The following H6PD variants were observed in gnomAD, a reference collection of about 807,000 sequenced individuals.
H6PD encodes hexose-6-phosphate dehydrogenase/glucose 1-dehydrogenase.
H6PD carries 48 observed loss-of-function variants against 61.2 expected under a neutral mutation model. That is an observed-to-expected ratio of 0.78 (90% CI 0.62 to 1.00). H6PD has a LOEUF of 1.00. Ranked by LOEUF, H6PD falls within the 50% of genes least tolerant of loss-of-function variation. The pLI is 0.00. For synonymous variants in H6PD, 480 were observed against 457.9 expected (o/e 1.05, Z -0.62); for missense variants, 1,093 against 1,065.0 (o/e 1.03, Z -0.37).
At chr1:9,256,576 G>A (rs1641525428) in intron 3 of H6PD, among the ~76,000 whole-genome samples, 1 of 152,186 alleles carries the variant, frequency 6.6e-6, no homozygotes, top group Non-Finnish European at 1.5e-5. Context: ...AGGTGCCCAG[G>A]ACTGGCGCCA....
At chr1:9,261,525 C>T (rs1463734921) in intron 3 of H6PD, among the ~76,000 whole-genome samples, 4 of 152,238 alleles carry the variant, frequency 2.6e-5, no homozygotes, top group Non-Finnish European at 5.9e-5. Flanking sequence ...CTCCCACTCC[C>T]CTGCACATTG....
chr1:9,237,003 C>T (rs1323292502), intron 1 of H6PD, among the ~76,000 whole-genome samples: 2 of 152,096 alleles, frequency 1.3e-5, no homozygotes, highest in Admixed American at 6.6e-5. Flanking sequence ...GGCTGGTTAC[C>T]GCAGTTAGTG....
chr1:9,258,108 G>A (rs1641577801), intron 3 of H6PD, among the ~76,000 whole-genome samples: 1 of 152,260 alleles, frequency 6.6e-6, no homozygotes, highest in Non-Finnish European at 1.5e-5. Context: ...GTCTTTGTGA[G>A]TATGGGGAGG....
intron 3 of H6PD, among the ~76,000 whole-genome samples, chr1:9,257,204 T>G (rs1389132735): frequency 6.6e-6 from 1 of 151,770 alleles, no homozygotes; most frequent in Non-Finnish European, 1.5e-5. Context: ...CAGTGGCAGG[T>G]TCACAGCTCA....
chr1:9,267,835 A>G lies in H6PD; in HGVS notation c.*2966A>G, dbSNP rs1244396948. 1.3e-5 allele frequency: 2 copies of G among 152,226 alleles called. No individual in the cohort carries two copies. The highest frequency in any genetic ancestry group is 4.8e-5 in the African/African-American group (2 of 41,444). The allele number at this position is 152,226 out of a possible 1,614,324, so 9.4% of individuals were successfully genotyped here. ...GCAAGAAACGTGCCTTCCATCATAAATCAGTCCATTTGTTTACAACTGTGT... is the reference window on the plus strand; with the variant it reads ...GCAAGAAACGTGCCTTCCATCATAAGTCAGTCCATTTGTTTACAACTGTGT... On this transcript the variant is annotated 3_prime_UTR_variant, in exon 5 of 5. Coordinates refer to ENST00000377403, the MANE Select transcript of H6PD (RefSeq NM_004285.4).
intron 1 of H6PD, among the ~76,000 whole-genome samples, chr1:9,236,754 C>G (rs1274817115): frequency 6.6e-6 from 1 of 151,682 alleles, no homozygotes; most frequent in East Asian, 1.9e-4. Context: ...ACATGCTTCC[C>G]ATCGATTTGT....
chr1:9,261,676 C>T (rs1057181134), intron 3 of H6PD, among the ~76,000 whole-genome samples: 3 of 152,246 alleles, frequency 2.0e-5, no homozygotes, highest in South Asian at 2.1e-4. Context: ...CTGCAGCCCC[C>T]GCCATGGTGC....
In H6PD at chr1:9,245,205, G is replaced by A; in HGVS notation, c.271G>A (p.Ala91Thr). Residue 91 changes from alanine (A) to threonine (T), a missense_variant, in exon 2 of 5, where the codon GCA becomes ACA. Physicochemically the swap from Ala to Thr is moderately conservative, Grantham distance 58. Coordinates refer to ENST00000377403, the MANE Select transcript of H6PD (RefSeq NM_004285.4). The surrounding 1 kb of genome is among the most constrained non-coding windows in gnomAD (Gnocchi z 4.8). ...LESLSCPKDM[A>T]PSHCAEHKDQ... is the part of the protein sequence containing the mutation. ...ATCCCTCTCCTGCCCCAAGGACATG[G>A]CACCCAGTCACTGTGCAGAGCACAA... The A allele has an allele frequency of 1.2e-6, 2 of 1,614,232 alleles. No individual in the cohort carries two copies. The highest frequency in any genetic ancestry group is 1.7e-6 in the Non-Finnish European group (2 of 1,180,052).
chr1:9,235,264 C>T (rs1383980511), intron 1 of H6PD, among the ~76,000 whole-genome samples, 198 bp downstream of exon 1: 1 of 152,084 alleles, frequency 6.6e-6, no homozygotes, highest in Admixed American at 6.5e-5. Context: ...CTGTCCTTTC[C>T]CTGGGCTTCC....
intron 1 of H6PD, chr1:9,240,163 A>G (rs1284954419): frequency 4.9e-6 from 2 of 412,332 alleles, no homozygotes; most frequent in African/African-American, 4.1e-5. Context: ...CCACCTCCCT[A>G]CAGGATGCCC....
At position 9,264,589 on chromosome 1, in the gene H6PD, C is replaced by T. The variant is rs752312322; in HGVS notation, c.2096C>T (p.Thr699Ile). Residue 699 changes from threonine to isoleucine, a missense_variant, in exon 5 of 5, where the codon ACA becomes ATA. Thr to Ile is a moderately conservative substitution (Grantham distance 89). Transcript: ENST00000377403. The part of the protein sequence containing the change: ...VLLGMGADGH[T>I]ASLFPQSPTG... Reference sequence around the variant, plus strand: ...CTGGGCATGGGTGCCGACGGGCACACAGCCTCCCTCTTCCCACAGTCACCC... The same window carrying T: ...CTGGGCATGGGTGCCGACGGGCACATAGCCTCCCTCTTCCCACAGTCACCC... 17 of 1,613,166 alleles carry T rather than the reference C, an allele frequency of 1.1e-5. No individual in the cohort carries two copies. The highest frequency in any genetic ancestry group is 5.0e-5 in the Admixed American group (3 of 59,996).
intron 1 of H6PD, among the ~76,000 whole-genome samples, chr1:9,239,196 G>A (rs1300153679): frequency 1.3e-5 from 2 of 152,050 alleles, no homozygotes; most frequent in African/African-American, 2.4e-5. Context: ...ACAGGCACCC[G>A]CCACCACACC....
intron 1 of H6PD, among the ~76,000 whole-genome samples, chr1:9,244,273 C>T (rs866523669): frequency 1.3e-5 from 2 of 152,102 alleles, no homozygotes; most frequent in Non-Finnish European, 2.9e-5. Flanking sequence ...CTGTAGGTAC[C>T]GCTATTACCC....
In H6PD at chr1:9,257,864, A is replaced by C. The variant is rs138760084; in HGVS notation, c.746-4195A>C. 2.4e-3 allele frequency among the ~76,000 whole-genome samples: 366 copies of C among 152,336 alleles called. 1 individual carries two copies. Among genetic ancestry groups the C allele is most frequent in the African/African-American group, 8.5e-3 (352 of 41,560 alleles). ...GGCTCTCTCTGTAGGTGAGGGTGTG[A>C]GGAGACTTGGGCATTGGAACTCTCC... is the stretch of plus-strand genomic sequence containing the variant. On this transcript the variant is annotated intron_variant, in intron 3 of 4. Transcript: ENST00000377403.
chr1:9,248,699 G>A (rs1237180536), intron 3 of H6PD, among the ~76,000 whole-genome samples: 1 of 148,034 alleles, frequency 6.8e-6, no homozygotes, highest in African/African-American at 2.5e-5. Context: ...AATGTGGGGG[G>A]TGGGCGGGAG....
intron 3 of H6PD, among the ~76,000 whole-genome samples, chr1:9,252,645 A>C (rs1641403336): frequency 6.6e-6 from 1 of 152,278 alleles, no homozygotes; most frequent in Non-Finnish European, 1.5e-5. Context: ...GTATATTTAC[A>C]AAGTTATGCA....
chr1:9,256,435 C>T (rs1394009626), intron 3 of H6PD, among the ~76,000 whole-genome samples: 4 of 152,174 alleles, frequency 2.6e-5, no homozygotes, highest in Non-Finnish European at 5.9e-5. Context: ...TTTCTTGCCC[C>T]CCAACACTGG....
chr1:9,262,238 G>A lies in H6PD; in HGVS notation c.925G>A (p.Val309Ile), dbSNP rs372517206. The A allele has an allele frequency of 4.0e-5, 64 of 1,613,028 alleles. 1 individual carries two copies. The highest frequency in any genetic ancestry group is 2.2e-4 in the Admixed American group (13 of 59,844). Reference sequence around the variant, plus strand: ...GCGGGGCCTGCAGAGGGGCAGTGCCGTCGTGGGCCAGTACCAGTCTTACAG... The same window carrying A: ...GCGGGGCCTGCAGAGGGGCAGTGCCATCGTGGGCCAGTACCAGTCTTACAG... Reference protein sequence around the residue: ...ALRGLQRGSAVVGQYQSYSEQ... With the variant: ...ALRGLQRGSAIVGQYQSYSEQ... Residue 309 changes from valine to isoleucine, a missense_variant, in exon 4 of 5, where the codon GTC (valine) becomes ATC (isoleucine). Coordinates refer to ENST00000377403, the MANE Select transcript of H6PD (RefSeq NM_004285.4).
rs1641149842 is a variant in H6PD, at chr1:9,245,629, C to T, written c.627+68C>T. 6.7e-7 allele frequency: 1 copy of T among 1,483,028 alleles called. No individual in the cohort carries two copies. The highest frequency in any genetic ancestry group is 1.1e-5 in the South Asian group (1 of 87,658). The allele number at this position is 1,483,028 out of a possible 1,614,324, so 91.9% of individuals were successfully genotyped here. A position where few individuals can be genotyped will look rare whatever the true frequency, so the allele number is the denominator to read the frequency against. On this transcript the variant is annotated intron_variant, in intron 2 of 4. Coordinates refer to ENST00000377403, the MANE Select transcript of H6PD (RefSeq NM_004285.4). The surrounding 1 kb of genome is among the most constrained non-coding windows in gnomAD (Gnocchi z 4.8). ...GCGCTGGTAGACCCCAGCAACAAAG[C>T]CGCTCGCTCATTGTGGAGCTAGGCC...
Sources: gnomAD v4.1 joint callset for allele counts (sites outside exome capture counted in the v4.1 genomes callset) on GRCh38, gnomAD v4.1.1 for gene constraint, Gnocchi (gnomAD v3.1) non-coding constraint, MANE v1.5 for transcripts, NCBI Gene and HGNC (gene_info 2026-07-23, HGNC 2026-07-21) for gene names.